Variants in ARHGAP15 observed in about 807,000 individuals in gnomAD.
ARHGAP15 encodes the protein rho GTPase-activating protein 15.
ARHGAP15 carries 51 observed loss-of-function variants against 63.7 expected under a neutral mutation model. That is an observed-to-expected ratio of 0.80 (90% confidence interval 0.64 to 1.01). The LOEUF (loss-of-function observed/expected upper bound fraction) is 1.01, where lower values mean the gene tolerates loss of function less well. Among genes scored for constraint, ARHGAP15 ranks in the 50% least tolerant of loss-of-function variants. The probability of loss-of-function intolerance (pLI) is 0.00; values close to 1 mark genes in which losing one functional copy is unlikely to be tolerated. For missense variants in ARHGAP15, 560 were observed against 564.6 expected (o/e 0.99, Z 0.08); for synonymous variants, 191 against 193.8 (o/e 0.99, Z 0.12).
intron 6 of ARHGAP15, among the ~76,000 whole-genome samples, chr2:143,300,961 G>T (rs1456476748): frequency 2.0e-5 from 3 of 151,988 alleles, no homozygotes; most frequent in Non-Finnish European, 4.4e-5. Context: ...ATACCTTAAT[G>T]TGTATGCAAT....
At chr2:143,738,833 A>C (rs531285240) in intron 13 of ARHGAP15, among the ~76,000 whole-genome samples, 1 of 152,302 alleles carries the variant, frequency 6.6e-6, no homozygotes, top group East Asian at 1.9e-4. Context: ...CCTTAACGCC[A>C]ACAAAAGACA....
chr2:143,549,247 A>G (rs1170858448), intron 10 of ARHGAP15, among the ~76,000 whole-genome samples: 1 of 152,170 alleles, frequency 6.6e-6, no homozygotes. Flanking sequence ...GGCAGTCTCA[A>G]AAAAGCATGT....
At chr2:143,694,730 C>T (rs575622465) in intron 12 of ARHGAP15, among the ~76,000 whole-genome samples, 1 of 152,338 alleles carries the variant, frequency 6.6e-6, no homozygotes, top group South Asian at 2.1e-4. Flanking sequence ...CTCAGCGTCA[C>T]TATGTGACCA....
chr2:143,374,116 G>A (rs1018902402), intron 6 of ARHGAP15, among the ~76,000 whole-genome samples: 1 of 152,102 alleles, frequency 6.6e-6, no homozygotes, highest in Non-Finnish European at 1.5e-5. Flanking sequence ...TCAAAGAATT[G>A]GCAAAGGGTG....
chr2:143,318,899 A>T (rs1367089547), intron 6 of ARHGAP15, among the ~76,000 whole-genome samples: 5 of 152,190 alleles, frequency 3.3e-5, no homozygotes, highest in Non-Finnish European at 7.3e-5. Context: ...ATGACTTTTT[A>T]AACCATTGAC....
chr2:143,413,927 T>TG (rs1688553387), intron 6 of ARHGAP15, among the ~76,000 whole-genome samples: 2 of 127,992 alleles, frequency 1.6e-5, no homozygotes, highest in African/African-American at 3.1e-5. Flanking sequence ...AGGTAGGTAG[T>TG]TGTGTGTGTG....
intron 6 of ARHGAP15, among the ~76,000 whole-genome samples, chr2:143,298,175 C>G (rs1334375706): frequency 1.3e-5 from 2 of 151,934 alleles, no homozygotes; most frequent in Non-Finnish European, 2.9e-5. Context: ...TCTTCGGGCT[C>G]TAAATCACAT....
At position 143,241,110 on chromosome 2, in the gene ARHGAP15, C is replaced by A. The variant is rs527736429; in HGVS notation, c.385-9401C>A. Among the ~76,000 whole-genome samples, 3 of 152,210 alleles carry A rather than the reference C, an allele frequency of 2.0e-5. No homozygotes were observed. The South Asian group carries it at 6.2e-4, about 32-fold the overall frequency. Reference sequence around the variant, plus strand: ...TTGCATTTCTCTAAGATAAAATGAGCTTTTACCCCACAGTGTATTTTTTAA... The same window carrying A: ...TTGCATTTCTCTAAGATAAAATGAGATTTTACCCCACAGTGTATTTTTTAA... On this transcript the variant is annotated intron_variant, in intron 5 of 13. Coordinates refer to ENST00000295095, the MANE Select transcript of ARHGAP15 (RefSeq NM_018460.4).
In ARHGAP15 at chr2:143,182,249, T is replaced by C. The variant is rs535190912; in HGVS notation, c.166-19885T>C. ...AATTGCTGGAATTAAGTGAGAGATA[T>C]GCAACTCTTCTTTTCACTTAAGCAC... On this transcript the variant is annotated intron_variant, in intron 2 of 13. Transcript: ENST00000295095. Among the ~76,000 whole-genome samples, 4 of 152,264 alleles carry C rather than the reference T, an allele frequency of 2.6e-5. No individual in the cohort carries two copies. The South Asian group carries it at 8.3e-4, about 32-fold the overall frequency.
chr2:143,494,828 T>C (rs1162208239), intron 9 of ARHGAP15, among the ~76,000 whole-genome samples: 1 of 152,222 alleles, frequency 6.6e-6, no homozygotes, highest in Non-Finnish European at 1.5e-5. Context: ...AAATATCATA[T>C]ATTTTCAAAG....
Position 143,447,279 on chromosome 2 carries a change from T to C in ARHGAP15, c.703+10237T>C, listed in dbSNP as rs184853476. 2.3e-4 allele frequency among the ~76,000 whole-genome samples: 35 copies of C among 152,322 alleles called. 1 individual carries two copies. Among genetic ancestry groups the C allele is most frequent in the Non-Finnish European group, 3.7e-4 (25 of 68,020 alleles). ...CTTAAAAGCAAGGAAAGATTTTATT[T>C]AATTTTAATGTTTAAATAATACATA... is the stretch of plus-strand genomic sequence containing the variant. On this transcript the variant is annotated intron_variant, in intron 8 of 13. Transcript: ENST00000295095.
Position 143,410,316 on chromosome 2 carries a change from CAT to C in ARHGAP15, c.475-25284_475-25283del, listed in dbSNP as rs531027950. On this transcript the variant is annotated intron_variant, in intron 6 of 13. Coordinates refer to ENST00000295095, the MANE Select transcript of ARHGAP15 (RefSeq NM_018460.4). ...GTTTCATCAACTACTGATGTGGACA[CAT>C]GTGCATAGTAACAAATTCATCTTTG... Among the ~76,000 whole-genome samples the C allele has an allele frequency of 2.6e-4, 40 of 152,228 alleles. 1 individual carries two copies. In the East Asian group the frequency reaches 6.4e-3, roughly 24 times the overall value.
intron 6 of ARHGAP15, among the ~76,000 whole-genome samples, chr2:143,430,771 C>T (rs1340025481): frequency 6.6e-6 from 1 of 151,988 alleles, no homozygotes; most frequent in Non-Finnish European, 1.5e-5. Flanking sequence ...CAAAGTCTCT[C>T]TAAACATAAT....
intron 8 of ARHGAP15, among the ~76,000 whole-genome samples, chr2:143,484,852 A>G (rs1049724855): frequency 6.6e-6 from 1 of 152,224 alleles, no homozygotes; most frequent in Admixed American, 6.5e-5. Context: ...ACTAGTGGCT[A>G]GTACATTGGA....
chr2:143,609,255 T>C (rs1698162608), intron 11 of ARHGAP15, among the ~76,000 whole-genome samples: 1 of 152,214 alleles, frequency 6.6e-6, no homozygotes, highest in Non-Finnish European at 1.5e-5. Flanking sequence ...CTCTACTGGC[T>C]CAATTCTCTC....
At chr2:143,231,977 A>G (rs1445763875) in intron 5 of ARHGAP15, among the ~76,000 whole-genome samples, 2 of 152,220 alleles carry the variant, frequency 1.3e-5, no homozygotes, top group African/African-American at 4.8e-5. Flanking sequence ...TCCTAATGGC[A>G]TCACACTGGG....
chr2:143,720,866 A>G (rs573401662), intron 13 of ARHGAP15, among the ~76,000 whole-genome samples: 101 of 152,110 alleles, frequency 6.6e-4, no homozygotes, highest in African/African-American at 1.5e-3. Flanking sequence ...TCAGGAGATC[A>G]AGACCATCCT....
At chr2:143,230,070 C>T (rs1209471883) in intron 5 of ARHGAP15, among the ~76,000 whole-genome samples, 1 of 152,064 alleles carries the variant, frequency 6.6e-6, no homozygotes, top group African/African-American at 2.4e-5. Context: ...CCCCTAAGGG[C>T]CAGGCACAAA....
chr2:143,304,497 T>A (rs973394183), intron 6 of ARHGAP15, among the ~76,000 whole-genome samples: 2 of 152,042 alleles, frequency 1.3e-5, no homozygotes, highest in Non-Finnish European at 2.9e-5. Flanking sequence ...GAGATATACC[T>A]AATGTAAATG....
Sources: gnomAD v4.1 joint callset for allele counts (sites outside exome capture counted in the v4.1 genomes callset) on GRCh38, gnomAD v4.1.1 for gene constraint, MANE v1.5 for transcripts, NCBI Gene and HGNC (gene_info 2026-07-23, HGNC 2026-07-21) for gene names.